ADCK1: variants seen among roughly 807,000 people sequenced by gnomAD.
ADCK1 encodes aarF domain-containing protein kinase 1.
In ADCK1, 41 loss-of-function variants were observed where a neutral mutation model predicts 52.3. The observed-to-expected ratio is 0.78, with a 90% confidence interval of 0.61 to 1.02. The LOEUF (loss-of-function observed/expected upper bound fraction) is 1.02, where lower values mean the gene tolerates loss of function less well. ADCK1 is among the 50% of genes least tolerant of loss of function. The pLI is 0.00. For synonymous variants in ADCK1, 250 were observed against 274.6 expected, an observed-to-expected ratio of 0.91 and a Z score of 0.89; for missense variants, 658 against 679.5, an observed-to-expected ratio of 0.97 and a Z score of 0.35.
intron 1 of ADCK1, among the ~76,000 whole-genome samples, chr14:77,814,490 C>G (rs1017286459): frequency 1.3e-5 from 2 of 150,908 alleles, no homozygotes; most frequent in Admixed American, 6.6e-5. Context: ...AATCTCAGCA[C>G]TTTGGGAGGC....
At chr14:77,811,444 C>T (rs1457124135) in intron 1 of ADCK1, among the ~76,000 whole-genome samples, 14 of 152,200 alleles carry the variant, frequency 9.2e-5, no homozygotes, top group Non-Finnish European at 8.8e-5. Flanking sequence ...AGTGGCCATG[C>T]CAGGACTCAA....
intron 4 of ADCK1, among the ~76,000 whole-genome samples, chr14:77,885,054 A>G (rs182258402): frequency 4.8e-4 from 73 of 152,326 alleles, no homozygotes; most frequent in Middle Eastern, 3.4e-3. Context: ...CATTCAACAA[A>G]TTTGTTTGGC....
intron 6 of ADCK1, among the ~76,000 whole-genome samples, chr14:77,906,075 T>C (rs540708595): frequency 6.6e-6 from 1 of 152,280 alleles, no homozygotes; most frequent in Admixed American, 6.5e-5. Context: ...AGGTCCTTAC[T>C]GAGATAGGGC....
chr14:77,924,448 C>G lies in ADCK1; in HGVS notation c.859-9C>G. On this transcript the variant is annotated splice_polypyrimidine_tract_variant and intron_variant, in intron 7 of 10. Transcript: ENST00000238561. ...AGAGGAGCTCCCACCTGCCCCTCTT[C>G]TCTTTCAGATCTCACGCCACCTGGG... 1 of 1,613,638 alleles carries G rather than the reference C, an allele frequency of 6.2e-7. No individual in the cohort carries two copies. The highest frequency in any genetic ancestry group is 8.5e-7 in the Non-Finnish European group (1 of 1,179,886).
chr14:77,867,026 T>C (rs1215454147), intron 4 of ADCK1, among the ~76,000 whole-genome samples: 2 of 152,228 alleles, frequency 1.3e-5, no homozygotes, highest in East Asian at 3.9e-4. Context: ...GTGCATTTAT[T>C]GAGCACCTCC....
At chr14:77,834,134 T>C (rs1364527540) in intron 3 of ADCK1, among the ~76,000 whole-genome samples, 2 of 152,226 alleles carry the variant, frequency 1.3e-5, no homozygotes, top group Non-Finnish European at 1.5e-5. Flanking sequence ...TCCCATACAC[T>C]TCTTTATAAC....
At chr14:77,801,803 G>A (rs1196271943) in intron 1 of ADCK1, among the ~76,000 whole-genome samples, 1 of 152,120 alleles carries the variant, frequency 6.6e-6, no homozygotes, top group Non-Finnish European at 1.5e-5. Context: ...TTACCTGGGC[G>A]TAGTGGTGTG....
chr14:77,933,495 C>G lies in ADCK1; in HGVS notation c.*104C>G. 7.2e-7 allele frequency: 1 copy of G among 1,385,920 alleles called. No homozygotes were observed. Among genetic ancestry groups the G allele is most frequent in the Non-Finnish European group, 1.0e-6 (1 of 989,702 alleles). 85.9% of individuals were successfully genotyped at this position (1,385,920 alleles called of 1,614,324 possible). ...TTTTTGCCACATCGTGGCCCGCAGC[C>G]CCAGAGTCACTGTCCATGTCACCAT... On this transcript the variant is annotated 3_prime_UTR_variant, in exon 11 of 11. Transcript: ENST00000238561.
intron 5 of ADCK1, among the ~76,000 whole-genome samples, chr14:77,898,469 A>G (rs2083458200): frequency 6.6e-6 from 1 of 152,232 alleles, no homozygotes; most frequent in African/African-American, 2.4e-5. Context: ...ATAAAAAGGA[A>G]TGAGATCATG....
intron 3 of ADCK1, among the ~76,000 whole-genome samples, chr14:77,835,581 T>A (rs556006218): frequency 4.2e-4 from 64 of 152,298 alleles, no homozygotes; most frequent in Non-Finnish European, 7.2e-4. Context: ...CTGGGGAGCC[T>A]TATAAAGCAC....
chr14:77,881,912 A>C (rs1014973721), intron 4 of ADCK1, among the ~76,000 whole-genome samples: 1 of 152,240 alleles, frequency 6.6e-6, no homozygotes, highest in Non-Finnish European at 1.5e-5. Context: ...TACAAATCAG[A>C]CATGTTTAAA....
intron 3 of ADCK1, among the ~76,000 whole-genome samples, chr14:77,849,583 A>G (rs1467184854): frequency 1.3e-5 from 2 of 152,032 alleles, no homozygotes; most frequent in East Asian, 1.9e-4. Flanking sequence ...AGCTGGGACT[A>G]CAGGCATATG....
intron 9 of ADCK1, among the ~76,000 whole-genome samples, chr14:77,930,292 C>T (rs1012235259): frequency 2.0e-5 from 3 of 152,170 alleles, no homozygotes; most frequent in African/African-American, 4.8e-5. Context: ...TTCTCAGCAG[C>T]GCACACGTGC....
intron 3 of ADCK1, among the ~76,000 whole-genome samples, chr14:77,847,297 G>A (rs1264531073): frequency 1.3e-5 from 2 of 152,130 alleles, no homozygotes; most frequent in Non-Finnish European, 2.9e-5. Flanking sequence ...CAGGCTGGGC[G>A]CTGTGGCCTA....
At chr14:77,855,030 A>G (rs897737707) in intron 3 of ADCK1, among the ~76,000 whole-genome samples, 2 of 152,202 alleles carry the variant, frequency 1.3e-5, no homozygotes, top group African/African-American at 2.4e-5. Flanking sequence ...AATCCTGTTT[A>G]CCCTGCCTTG....
intron 3 of ADCK1, among the ~76,000 whole-genome samples, chr14:77,847,064 G>C (rs1314238531): frequency 6.6e-6 from 1 of 152,180 alleles, no homozygotes; most frequent in Non-Finnish European, 1.5e-5. Context: ...GTGAAGGGAG[G>C]CAGGCTTGGG....
intron 3 of ADCK1, among the ~76,000 whole-genome samples, chr14:77,858,518 G>A (rs1164542576): frequency 2.6e-5 from 4 of 152,132 alleles, no homozygotes; most frequent in Admixed American, 2.0e-4. Flanking sequence ...GGGATTACAA[G>A]CGTGAGCCAC....
chr14:77,813,982 G>T (rs2081388454), intron 1 of ADCK1, among the ~76,000 whole-genome samples: 1 of 151,870 alleles, frequency 6.6e-6, no homozygotes, highest in Admixed American at 6.6e-5. Flanking sequence ...TGGCAAGGCT[G>T]GTCTCAAACT....
intron 5 of ADCK1, among the ~76,000 whole-genome samples, chr14:77,893,608 T>C (rs935649335): frequency 2.0e-5 from 3 of 152,122 alleles, no homozygotes; most frequent in Admixed American, 6.5e-5. Context: ...GATCTATTGC[T>C]TGATGTCATC....
Sources: gnomAD v4.1 joint callset for allele counts (sites outside exome capture counted in the v4.1 genomes callset) on GRCh38, gnomAD v4.1.1 for gene constraint, MANE v1.5 for transcripts, NCBI Gene and HGNC (gene_info 2026-07-23, HGNC 2026-07-21) for gene names.